Variants in RUFY2 observed in about 807,000 individuals in gnomAD.
RUFY2 encodes RUN and FYVE domain containing 2.
Under a neutral mutation model 94.4 loss-of-function variants are expected in RUFY2, and 49 were observed. That is an observed-to-expected ratio of 0.52 (90% CI 0.41 to 0.66). RUFY2 has a LOEUF of 0.66. Ranked by LOEUF, RUFY2 falls within the 30% of genes least tolerant of loss-of-function variation. The probability of loss-of-function intolerance (pLI) is 0.00; values close to 1 mark genes in which losing one functional copy is unlikely to be tolerated. For missense variants in RUFY2, 541 were observed against 692.8 expected, an observed-to-expected ratio of 0.78 and a Z score of 2.46; for synonymous variants, 255 against 235.7, an observed-to-expected ratio of 1.08 and a Z score of -0.75.
rs202196949 is a variant in RUFY2, at chr10:68,383,899, C to T, written c.838G>A (p.Val280Met). The change falls in exon 10 of 18, where the codon GTG (valine) becomes ATG (methionine). Residue 280 changes from valine (V) to methionine (M), a missense_variant. Val to Met is a conservative substitution (Grantham distance 21, BLOSUM62 1). This residue lies in a region of RUFY2 where 403 missense variants were observed against 480.7 expected (regional missense o/e 0.84). Coordinates refer to ENST00000602465, the MANE Select transcript of RUFY2 (RefSeq NM_001330103.2). ...QQHLEVTKVD[V>M]ETELQTYKHS... Reference sequence around the variant, plus strand: ...TTATATGTTTGAAGCTCAGTTTCCACATCTACTTTGGTAACCTAGGAAGAA... The same window carrying T: ...TTATATGTTTGAAGCTCAGTTTCCATATCTACTTTGGTAACCTAGGAAGAA... The T allele has an allele frequency of 3.7e-6, 6 of 1,613,514 alleles. No homozygotes were observed. In the African/African-American group the frequency reaches 5.3e-5, roughly 14 times the overall value.
At chr10:68,341,160 T>C (rs1376101856), downstream of RUFY2, 2 of 1,521,296 alleles carry the variant, frequency 1.3e-6, no homozygotes, top group Non-Finnish European at 1.8e-6. Flanking sequence ...AAATAAGTGT[T>C]TCCTTTTATT....
At chr10:68,389,614 G>T (rs895528194) in intron 7 of RUFY2, among the ~76,000 whole-genome samples, 1 of 151,226 alleles carries the variant, frequency 6.6e-6, no homozygotes, top group Non-Finnish European at 1.5e-5. Context: ...AAATTATTTT[G>T]AACTGAATGG....
chr10:68,373,974 G>T (rs1422651625), intron 13 of RUFY2, among the ~76,000 whole-genome samples: 2 of 151,692 alleles, frequency 1.3e-5, no homozygotes, highest in South Asian at 4.2e-4. Context: ...AGTTAGCTGG[G>T]TATGGTGGCA....
chr10:68,365,622 G>A (rs1479401576), intron 13 of RUFY2, among the ~76,000 whole-genome samples: 1 of 152,208 alleles, frequency 6.6e-6, no homozygotes, highest in Non-Finnish European at 1.5e-5. Context: ...TTAAATGTAT[G>A]CATAACTCAC....
chr10:68,384,201 C>T, intron 8 of RUFY2, 49 bp from the exon 9 acceptor site: 1 of 1,549,182 alleles, frequency 6.5e-7, no homozygotes, highest in Non-Finnish European at 8.7e-7. Context: ...CACCCTTATA[C>T]TTGCTTTGCA....
At chr10:68,383,733 G>A in intron 10 of RUFY2, 65 bp downstream of exon 10, 14 of 1,110,826 alleles carry the variant, frequency 1.3e-5, no homozygotes, top group Non-Finnish European at 1.8e-5. Context: ...ATTTTAAATG[G>A]TGCTTGCTTG....
chr10:68,393,963 C>A lies in RUFY2; in HGVS notation c.584+112G>T, dbSNP rs750673413. The A allele has an allele frequency of 3.5e-6, 5 of 1,416,310 alleles. No homozygotes were observed. The South Asian group carries it at 6.8e-5, about 19-fold the overall frequency. 87.7% of individuals were successfully genotyped at this position (1,416,310 alleles called of 1,614,324 possible). On this transcript the variant is annotated intron_variant, in intron 6 of 17. Transcript: ENST00000602465. ...AAGTGAAAATGAAATGAAGAAGTCA[C>A]AGGGGGGAAAACAACAAAATAAAAC...
At chr10:68,383,579 C>T (rs908021416) in intron 10 of RUFY2, among the ~76,000 whole-genome samples, 1 of 152,174 alleles carries the variant, frequency 6.6e-6, no homozygotes, top group Non-Finnish European at 1.5e-5. Flanking sequence ...AAGATCACAC[C>T]ACTGCACTCC....
intron 1 of RUFY2, chr10:68,406,720 T>TG (rs755808131): frequency 8.4e-5 from 133 of 1,574,668 alleles, no homozygotes; most frequent in Non-Finnish European, 1.1e-4. Context: ...CCCAGAGGCC[T>TG]GGGGGCCCCC....
rs1440966909 is a variant in RUFY2 at position 68,364,032 on chromosome 10, G to C, written c.1407C>G (p.Ala469=). 3 of 1,609,246 alleles carry C rather than the reference G, an allele frequency of 1.9e-6. No individual in the cohort carries two copies. The highest frequency in any genetic ancestry group is 8.5e-7 in the Non-Finnish European group (1 of 1,176,064). ...GAGTCTCATTTCTAAGATGAGATAA[G>C]GCATCTTTCTCCTTTTGAAGATCTT... The part of the protein sequence containing the change: ...LQEDLQKEKD[A]LSHLRNETQQ... Residue 469 remains alanine, a synonymous_variant, in exon 14 of 18, where the codon GCC becomes GCG. Coordinates refer to ENST00000602465, the MANE Select transcript of RUFY2 (RefSeq NM_001330103.2).
At chr10:68,406,495 A>T (rs1214128258) in intron 1 of RUFY2, among the ~76,000 whole-genome samples, 2 of 152,174 alleles carry the variant, frequency 1.3e-5, no homozygotes, top group Non-Finnish European at 2.9e-5. Flanking sequence ...AGCTGCTGGG[A>T]GGCAGATCGG....
chr10:68,353,380 T>C (rs1211116998), intron 16 of RUFY2, among the ~76,000 whole-genome samples: 2 of 149,546 alleles, frequency 1.3e-5, no homozygotes, highest in African/African-American at 4.9e-5. Flanking sequence ...TGCCTGTAAT[T>C]TCAGCTACTG....
In RUFY2 at chr10:68,387,211, G is replaced by T. The variant is rs531309640; in HGVS notation, c.651-1083C>A. Among the ~76,000 whole-genome samples, 36 of 152,166 alleles carry T rather than the reference G, an allele frequency of 2.4e-4. No homozygotes were observed. The Middle Eastern group carries it at 0.01, about 43-fold the overall frequency. The stretch of plus-strand genomic sequence containing the variant: ...GTCTCTACTAAAAATACAAAACTTA[G>T]CCAAGCGTGGTGGCGGGCGTCTGTA... On this transcript the variant is annotated intron_variant, in intron 7 of 17. Coordinates refer to ENST00000602465, the MANE Select transcript of RUFY2 (RefSeq NM_001330103.2).
intron 3 of RUFY2, among the ~76,000 whole-genome samples, chr10:68,397,481 A>G (rs2050473541): frequency 1.3e-5 from 2 of 152,124 alleles, no homozygotes; most frequent in South Asian, 2.1e-4. Flanking sequence ...TGTCATCCCT[A>G]CACTTTGAGA....
At chr10:68,363,928 T>C (rs941543099) in intron 14 of RUFY2, 56 bp downstream of exon 14, 106 of 1,338,000 alleles carry the variant, frequency 7.9e-5, no homozygotes, top group Non-Finnish European at 1.1e-4. Context: ...GATTTATCTT[T>C]TTAAATAAGT....
intron 13 of RUFY2, among the ~76,000 whole-genome samples, chr10:68,372,835 G>C (rs1322116370): frequency 5.9e-5 from 9 of 151,796 alleles, no homozygotes; most frequent in Admixed American, 5.9e-4. Context: ...CTAAGCCCAG[G>C]AAATCAAGGC....
intron 8 of RUFY2, 142 bp from the exon 9 acceptor site, chr10:68,384,294 AG>A: frequency 8.9e-7 from 1 of 1,118,334 alleles, no homozygotes; most frequent in South Asian, 2.0e-5. Flanking sequence ...AACGTTCATA[AG>A]GAAAACACGC....
chr10:68,385,825 T>C (rs2049454110), intron 8 of RUFY2, among the ~76,000 whole-genome samples: 1 of 152,200 alleles, frequency 6.6e-6, no homozygotes, highest in Non-Finnish European at 1.5e-5. Flanking sequence ...GGCTCATTTT[T>C]AGAAGCTGAG....
At chr10:68,364,993 C>T (rs914199992) in intron 13 of RUFY2, among the ~76,000 whole-genome samples, 1 of 151,372 alleles carries the variant, frequency 6.6e-6, no homozygotes, top group African/African-American at 2.4e-5. Flanking sequence ...AGGCATTTAT[C>T]TACTAACAAT....
Sources: allele counts gnomAD v4.1 joint callset (sites outside exome capture counted in the v4.1 genomes callset), GRCh38; gene constraint gnomAD v4.1.1; regional missense constraint gnomAD v4.1.1; transcripts MANE v1.5; gene names NCBI Gene and HGNC (gene_info 2026-07-23, HGNC 2026-07-21).